Variants in ATG10 observed in about 807,000 individuals in gnomAD.
ATG10 encodes the protein autophagy related 10.
ATG10 carries 30 observed loss-of-function variants against 32.1 expected under a neutral mutation model. The ratio of observed to expected loss-of-function variants is 0.94; its 90% CI spans 0.70 to 1.27. ATG10 has a LOEUF of 1.27. Among genes scored for constraint, ATG10 ranks in the 50% most tolerant of loss-of-function variants. The pLI is 0.00. For synonymous variants in ATG10, 87 were observed against 91.5 expected (o/e 0.95, Z 0.28); for missense variants, 233 against 262.3 (o/e 0.89, Z 0.77).
At chr5:82,181,661 G>A (rs1321603017) in intron 5 of ATG10, among the ~76,000 whole-genome samples, 1 of 152,058 alleles carries the variant, frequency 6.6e-6, no homozygotes, top group Non-Finnish European at 1.5e-5. Flanking sequence ...CTTGCGGACT[G>A]AACATGATAA....
intron 5 of ATG10, among the ~76,000 whole-genome samples, chr5:82,220,415 A>G (rs1745868173): frequency 6.6e-6 from 1 of 151,706 alleles, no homozygotes. Flanking sequence ...GGCACCCGCC[A>G]CCACGCCTGG....
intron 3 of ATG10, among the ~76,000 whole-genome samples, chr5:82,099,943 AT>A (rs11415494): frequency 0.022 from 2,841 of 129,794 alleles, 42 homozygotes; most frequent in Non-Finnish European, 0.034. Context: ...GTACTAATAG[AT>A]TTTTTTTTCT....
chr5:82,236,797 G>C (rs1273092911), intron 5 of ATG10, among the ~76,000 whole-genome samples: 1 of 152,186 alleles, frequency 6.6e-6, no homozygotes, highest in Non-Finnish European at 1.5e-5. Context: ...GGGGCAGCTA[G>C]AGTAAAGTGT....
intron 2 of ATG10, among the ~76,000 whole-genome samples, chr5:82,052,857 T>G (rs1763473931): frequency 6.6e-6 from 1 of 152,196 alleles, no homozygotes; most frequent in African/African-American, 2.4e-5. Context: ...TATTTGGACA[T>G]AAAATAATTT....
chr5:82,252,297 C>A (rs1390146546), intron 5 of ATG10, among the ~76,000 whole-genome samples: 1 of 152,194 alleles, frequency 6.6e-6, no homozygotes, highest in African/African-American at 2.4e-5. Context: ...TGATAAAATG[C>A]AACTACAGTT....
Position 82,043,380 on chromosome 5 carries a change from G to A in ATG10, c.109-15115G>A, listed in dbSNP as rs145006257. On this transcript the variant is annotated intron_variant, in intron 2 of 7. Transcript: ENST00000282185. The stretch of plus-strand genomic sequence containing the variant: ...ACCATTTTTCCTTCCTAGGGCTCCA[G>A]GGCTGTCATGGGACGGGCTGCCCTG... Among the ~76,000 whole-genome samples the A allele has an allele frequency of 8.9e-4, 135 of 152,334 alleles. No homozygotes were observed. The East Asian group carries it at 0.025, about 28-fold the overall frequency.
chr5:82,216,965 G>C (rs1175494289), intron 5 of ATG10, among the ~76,000 whole-genome samples: 1 of 151,666 alleles, frequency 6.6e-6, no homozygotes. Context: ...TGAGGCAGGA[G>C]AATCACTTGA....
At chr5:82,041,313 T>C (rs923925436) in intron 2 of ATG10, among the ~76,000 whole-genome samples, 2 of 152,234 alleles carry the variant, frequency 1.3e-5, no homozygotes, top group Non-Finnish European at 2.9e-5. Flanking sequence ...ATTTTATGTA[T>C]CTTGCTCACT....
intron 2 of ATG10, among the ~76,000 whole-genome samples, chr5:82,003,961 G>A (rs1468520178): frequency 6.6e-6 from 1 of 152,142 alleles, no homozygotes; most frequent in Non-Finnish European, 1.5e-5. Flanking sequence ...CCAATATGGT[G>A]AAATCCCATC....
intron 2 of ATG10, among the ~76,000 whole-genome samples, chr5:82,038,450 C>T (rs1229432459): frequency 6.6e-6 from 1 of 152,160 alleles, no homozygotes; most frequent in African/African-American, 2.4e-5. Flanking sequence ...ATGGCAGGGT[C>T]ACAGTGTGAG....
chr5:81,983,189 C>G (rs1307214342), intron 1 of ATG10, among the ~76,000 whole-genome samples: 3 of 150,720 alleles, frequency 2.0e-5, no homozygotes, highest in East Asian at 4.0e-4. Context: ...GGGACTGATC[C>G]CCCCACCTCC....
intron 3 of ATG10, among the ~76,000 whole-genome samples, chr5:82,146,916 A>G (rs190441752): frequency 1.9e-3 from 297 of 152,332 alleles, no homozygotes; most frequent in Non-Finnish European, 3.3e-3. Flanking sequence ...GGAAATATCA[A>G]CATCTACATA....
chr5:81,988,922 T>C (rs1761371539), intron 2 of ATG10, among the ~76,000 whole-genome samples: 1 of 151,946 alleles, frequency 6.6e-6, no homozygotes, highest in African/African-American at 2.4e-5. Flanking sequence ...CTCTGCCTCC[T>C]GGTTCAAGCA....
At chr5:82,067,128 A>G (rs929639491) in intron 3 of ATG10, among the ~76,000 whole-genome samples, 1 of 152,158 alleles carries the variant, frequency 6.6e-6, no homozygotes, top group South Asian at 2.1e-4. Context: ...GCAGACCCCA[A>G]TCCCACTTTT....
intron 3 of ATG10, among the ~76,000 whole-genome samples, chr5:82,118,179 C>T (rs1014492546): frequency 6.6e-6 from 1 of 150,814 alleles, no homozygotes; most frequent in Admixed American, 6.6e-5. Flanking sequence ...GGTGATTGGA[C>T]AGGTTATATT....
intron 3 of ATG10, among the ~76,000 whole-genome samples, chr5:82,122,214 T>TG (rs983775653): frequency 2.0e-5 from 3 of 152,066 alleles, no homozygotes; most frequent in African/African-American, 7.2e-5. Flanking sequence ...GCGTCAGTGT[T>TG]GGGAGGGTAT....
chr5:82,197,716 T>G (rs868491299), intron 5 of ATG10, among the ~76,000 whole-genome samples: 43 of 142,180 alleles, frequency 3.0e-4, no homozygotes, highest in African/African-American at 1.1e-3. Flanking sequence ...CTTTCTTTCT[T>G]TCTTTCTATC....
intron 5 of ATG10, among the ~76,000 whole-genome samples, chr5:82,204,832 G>C (rs1745221473): frequency 6.6e-6 from 1 of 152,190 alleles, no homozygotes; most frequent in Non-Finnish European, 1.5e-5. Context: ...CAAGATATCT[G>C]AGTGGCATGT....
chr5:82,075,205 A>G (rs574340800), intron 3 of ATG10, among the ~76,000 whole-genome samples: 2 of 152,328 alleles, frequency 1.3e-5, no homozygotes, highest in East Asian at 3.9e-4. Flanking sequence ...CTGACTAGCA[A>G]CAAGCCAGTG....
Sources: allele counts gnomAD v4.1 joint callset (sites outside exome capture counted in the v4.1 genomes callset), GRCh38; gene constraint gnomAD v4.1.1; transcripts MANE v1.5; gene names NCBI Gene and HGNC (gene_info 2026-07-23, HGNC 2026-07-21).